Variants in ALDH1L1 observed in about 807,000 individuals in gnomAD.
ALDH1L1 encodes cytosolic 10-formyltetrahydrofolate dehydrogenase.
A neutral mutation model predicts 101.1 loss-of-function variants in ALDH1L1; 68 were observed. That is an observed-to-expected ratio of 0.67 (90% CI 0.55 to 0.82). The LOEUF is 0.82. ALDH1L1 is among the 40% of genes least tolerant of loss of function. The pLI is 0.00. For synonymous variants in ALDH1L1, 486 were observed against 470.8 expected (o/e 1.03, Z -0.42); for missense variants, 1,087 against 1,172.7 (o/e 0.93, Z 1.07).
intron 16 of ALDH1L1, 55 bp from the exon 17 acceptor site, chr3:126,118,153 A>T: frequency 6.9e-7 from 1 of 1,447,506 alleles, no homozygotes; most frequent in Non-Finnish European, 9.6e-7. Flanking sequence ...CTGGGGAGGC[A>T]GGAGCCCACC....
In ALDH1L1 at chr3:126,105,835, A is replaced by G; in HGVS notation, c.2544T>C (p.Tyr848=). ...VFTRDINKAL[Y]VSDKLQAGTV... is the part of the protein sequence containing the mutation. ...TGCCTGCCTGGAGCTTGTCACTGAC[A>G]TACAGGGCCTTGTTGATGTCCCTGG... The change falls in exon 22 of 23, where the codon TAT becomes TAC. Residue 848 remains tyrosine (Y), a synonymous_variant. Coordinates refer to ENST00000393434, the MANE Select transcript of ALDH1L1 (RefSeq NM_012190.4). 6.2e-7 allele frequency: 1 copy of G among 1,614,208 alleles called. No individual in the cohort carries two copies. The highest frequency in any genetic ancestry group is 1.3e-5 in the African/African-American group (1 of 75,060).
At chr3:126,136,947 G>C in intron 10 of ALDH1L1, 64 bp from the exon 11 acceptor site, 2 of 1,599,252 alleles carry the variant, frequency 1.3e-6, no homozygotes, top group Non-Finnish European at 1.7e-6. Flanking sequence ...TACACAGATG[G>C]CCACACAGTC....
At chr3:126,173,265 T>C (rs936081780) in intron 1 of ALDH1L1, among the ~76,000 whole-genome samples, 2 of 152,220 alleles carry the variant, frequency 1.3e-5, no homozygotes, top group African/African-American at 4.8e-5. Context: ...GATTGTAGCT[T>C]ATGGATAAGT....
Position 126,114,769 on chromosome 3 carries a change from A to G in ALDH1L1, c.1983-113T>C, listed in dbSNP as rs748362733. On this transcript the variant is annotated intron_variant, in intron 17 of 22. Coordinates refer to ENST00000393434, the MANE Select transcript of ALDH1L1 (RefSeq NM_012190.4). ...CAAAGCATGCTTTGCTGCAAGAAGC[A>G]AGACCCGGCCAGTGCCTCCCCACTC... 75 of 1,018,422 alleles carry G rather than the reference A, an allele frequency of 7.4e-5. No individual in the cohort carries two copies. The Admixed American group carries it at 1.3e-3, about 18-fold the overall frequency. The allele number at this position is 1,018,422 out of a possible 1,614,324, so 63.1% of individuals were successfully genotyped here.
intron 1 of ALDH1L1, among the ~76,000 whole-genome samples, chr3:126,178,055 T>G (rs1355611511): frequency 6.9e-6 from 1 of 144,412 alleles, no homozygotes; most frequent in Non-Finnish European, 1.5e-5. Flanking sequence ...AGAAAAAAGC[T>G]GTAACAAAAA....
At chr3:126,169,895 C>T (rs907051904) in intron 1 of ALDH1L1, among the ~76,000 whole-genome samples, 31 of 152,154 alleles carry the variant, frequency 2.0e-4, no homozygotes. Context: ...TATAGCACAC[C>T]TGTTGTTAAA....
At chr3:126,138,288 T>C (rs562520024) in intron 9 of ALDH1L1, among the ~76,000 whole-genome samples, 1 of 150,936 alleles carries the variant, frequency 6.6e-6, no homozygotes, top group African/African-American at 2.5e-5. Context: ...CTAATAATAA[T>C]AATAATTAGC....
intron 19 of ALDH1L1, among the ~76,000 whole-genome samples, chr3:126,112,516 T>C (rs1946110882): frequency 6.6e-6 from 1 of 152,212 alleles, no homozygotes; most frequent in African/African-American, 2.4e-5. Flanking sequence ...TGCCCCAGGC[T>C]CTATTTCTAG....
intron 1 of ALDH1L1, among the ~76,000 whole-genome samples, chr3:126,195,374 T>C (rs2081576335): frequency 6.6e-6 from 1 of 152,218 alleles, no homozygotes; most frequent in Non-Finnish European, 1.5e-5. Context: ...TTTAGGCCAA[T>C]TAATTAGAGC....
chr3:126,104,541 C>A, intron 22 of ALDH1L1: 1 of 153,046 alleles, frequency 6.5e-6, no homozygotes, highest in Non-Finnish European at 1.5e-5. Flanking sequence ...AGATCACGTC[C>A]TGGGGACTTG....
intron 2 of ALDH1L1, chr3:126,159,276 C>A (rs2080989431): frequency 2.6e-6 from 1 of 383,604 alleles, no homozygotes. Flanking sequence ...GCCTGCAGGG[C>A]CCCTCCTCCT....
At position 126,107,241 on chromosome 3, in the gene ALDH1L1, A is replaced by G. The variant is rs978795967; in HGVS notation, c.2353T>C (p.Phe785Leu). The G allele has an allele frequency of 2.7e-5, 43 of 1,613,612 alleles. No individual in the cohort carries two copies. The highest frequency in any genetic ancestry group is 3.6e-5 in the Non-Finnish European group (43 of 1,179,774). ...TCTGTGAAAACAGTTGGCTCAAAGA[A>G]GAACCCTGCAAGAGAGATAAAAGCC... The part of the protein sequence containing the change: ...GGNQVPRPGF[F>L]FEPTVFTDVE... The change falls in exon 21 of 23, where the codon TTC (phenylalanine) becomes CTC (leucine). Residue 785 changes from phenylalanine to leucine, a missense_variant. Physicochemically the swap from Phe to Leu is conservative, Grantham distance 22 (BLOSUM62 0). Around this residue, in one of 2 missense-constraint regions of ALDH1L1, gnomAD observed 442 missense variants for 535.7 expected, o/e 0.83. Transcript: ENST00000393434.
intron 11 of ALDH1L1, 131 bp downstream of exon 11, chr3:126,136,633 C>T: frequency 7.1e-7 from 1 of 1,406,542 alleles, no homozygotes; most frequent in Non-Finnish European, 9.5e-7. Flanking sequence ...GGCATTCTTT[C>T]CCGTCCCTCT....
chr3:126,154,587 C>T lies in ALDH1L1; in HGVS notation c.687G>A (p.Lys229=), dbSNP rs988319945. The T allele has an allele frequency of 8.7e-6, 14 of 1,614,206 alleles. No individual in the cohort carries two copies. Among genetic ancestry groups the T allele is most frequent in the Non-Finnish European group, 1.1e-5 (13 of 1,180,040 alleles). ...AGGCCTCTGTCCAGGCTCCCGGCACCTTGTCGTTCCCGCGGATCCAGTTGT... is the reference window on the plus strand; with the variant it reads ...AGGCCTCTGTCCAGGCTCCCGGCACTTTGTCGTTCCCGCGGATCCAGTTGT... ...AIHNWIRGND[K]VPGAWTEACE... is the part of the protein sequence containing the mutation. Residue 229 remains lysine (K), a synonymous_variant, in exon 6 of 23, where the codon AAG becomes AAA. Transcript: ENST00000393434.
intron 19 of ALDH1L1, among the ~76,000 whole-genome samples, chr3:126,111,145 G>A (rs889962306): frequency 3.3e-5 from 5 of 152,216 alleles, no homozygotes; most frequent in Non-Finnish European, 5.9e-5. Flanking sequence ...TCACTTGGCC[G>A]GGCAGGCCAG....
At chr3:126,133,795 C>A (rs2069033) in intron 12 of ALDH1L1, among the ~76,000 whole-genome samples, 65,573 of 152,026 alleles carry the variant, frequency 0.43, 14,558 homozygotes, top group Non-Finnish European at 0.49. Context: ...GCCCTACTGA[C>A]CACCAGCAGC....
intron 17 of ALDH1L1, among the ~76,000 whole-genome samples, chr3:126,116,257 T>C (rs2079970263): frequency 6.6e-6 from 1 of 151,370 alleles, no homozygotes. Context: ...TATTTATTTA[T>C]TTATTTGAGC....
upstream of ALDH1L1, chr3:126,181,095 C>T (rs2081469043): frequency 6.6e-6 from 8 of 1,212,796 alleles, no homozygotes; most frequent in Non-Finnish European, 9.4e-6. Context: ...CCAGTGCCTA[C>T]CCGCCTCTCC....
intron 16 of ALDH1L1, among the ~76,000 whole-genome samples, chr3:126,121,058 C>A (rs1193150069): frequency 6.6e-6 from 1 of 152,104 alleles, no homozygotes; most frequent in Non-Finnish European, 1.5e-5. Flanking sequence ...GGGCCCTGAT[C>A]CAAAATGACC....
Sources: allele counts gnomAD v4.1 joint callset (sites outside exome capture counted in the v4.1 genomes callset), GRCh38; gene constraint gnomAD v4.1.1; regional missense constraint gnomAD v4.1.1; transcripts MANE v1.5; gene names NCBI Gene and HGNC (gene_info 2026-07-23, HGNC 2026-07-21).